Variants in RAD23B observed in about 807,000 individuals in gnomAD.
RAD23B encodes the protein lysine-specific demethylase RAD23B.
RAD23B carries 5 observed loss-of-function variants against 49.1 expected under a neutral mutation model. The observed-to-expected ratio is 0.10, with a 90% CI of 0.05 to 0.21. The LOEUF is 0.21. RAD23B is among the 10% of genes least tolerant of loss of function. RAD23B has a pLI of 1.00. For synonymous variants in RAD23B, 184 were observed against 165.4 expected (o/e 1.11, Z -0.86); for missense variants, 356 against 486.7 (o/e 0.73, Z 2.53).
At chr9:107,316,198 A>T (rs551900694) in intron 5 of RAD23B, among the ~76,000 whole-genome samples, 1 of 152,028 alleles carries the variant, frequency 6.6e-6, no homozygotes, top group Non-Finnish European at 1.5e-5. Context: ...TTTTTAGTAG[A>T]GGCGGGGTTT....
At chr9:107,307,077 G>A (rs1007394354) in intron 4 of RAD23B, among the ~76,000 whole-genome samples, 45 of 152,070 alleles carry the variant, frequency 3.0e-4, no homozygotes, top group African/African-American at 9.9e-4. Context: ...AATCTTTCCC[G>A]TAGTTATATA....
intron 2 of RAD23B, among the ~76,000 whole-genome samples, chr9:107,300,567 G>A (rs1351909282): frequency 2.6e-5 from 4 of 151,064 alleles, no homozygotes; most frequent in Non-Finnish European, 4.4e-5. Context: ...AATCATTCCT[G>A]TAAAATTATT....
chr9:107,326,793 C>A (rs1827215169), intron 9 of RAD23B, among the ~76,000 whole-genome samples: 3 of 151,482 alleles, frequency 2.0e-5, no homozygotes, highest in Non-Finnish European at 2.9e-5. Flanking sequence ...GCCACCATGC[C>A]CGGCTAATTT....
chr9:107,296,975 C>T (rs970873975), intron 1 of RAD23B, among the ~76,000 whole-genome samples: 3 of 151,636 alleles, frequency 2.0e-5, no homozygotes, highest in African/African-American at 7.3e-5. Flanking sequence ...CTGCCTCAGC[C>T]TCCCGAGTAG....
intron 3 of RAD23B, among the ~76,000 whole-genome samples, chr9:107,302,800 C>T (rs1025525813): frequency 7.2e-5 from 11 of 151,830 alleles, no homozygotes; most frequent in African/African-American, 1.9e-4. Context: ...GGACTACAGG[C>T]GCATGCCACC....
intron 1 of RAD23B, among the ~76,000 whole-genome samples, chr9:107,292,897 A>G (rs1833411784): frequency 2.0e-5 from 3 of 152,182 alleles, no homozygotes; most frequent in Non-Finnish European, 4.4e-5. Flanking sequence ...CTATTACTGC[A>G]TAACAAATTA....
At position 107,332,001 on chromosome 9, in the gene RAD23B, T is replaced by C. The variant is rs1827318633; in HGVS notation, c.*2345T>C. 5.2e-6 allele frequency: 2 copies of C among 387,250 alleles called. No homozygotes were observed. Among genetic ancestry groups the C allele is most frequent in the Admixed American group, 8.8e-5 (2 of 22,762 alleles). 24.0% of individuals were successfully genotyped at this position (387,250 alleles called of 1,614,324 possible). ...CGAGGTATACTGTCATTTCTTGAAA[T>C]CTTTTTCTCGTTTAGTTGCTCTGTG... On this transcript the variant is annotated 3_prime_UTR_variant, in exon 10 of 10. Coordinates refer to ENST00000358015, the MANE Select transcript of RAD23B (RefSeq NM_002874.5).
intron 5 of RAD23B, among the ~76,000 whole-genome samples, chr9:107,316,475 T>G (rs1826999135): frequency 6.6e-6 from 1 of 152,246 alleles, no homozygotes; most frequent in African/African-American, 2.4e-5. Flanking sequence ...GTATTGATAC[T>G]GATTTCTGTA....
rs75029772 is a variant in RAD23B at position 107,307,999 on chromosome 9, A to G, written c.497+1352A>G. 9.1e-3 allele frequency among the ~76,000 whole-genome samples: 1,379 copies of G among 152,296 alleles called. 16 individuals are homozygous for G. The highest frequency in any genetic ancestry group is 0.017 in the Middle Eastern group (5 of 294). Reference sequence around the variant, plus strand: ...TCAAAGGGCTGTTGATCAGGTCTGTATATGAGAGGGAACTTACGCATTTAA... The same window carrying G: ...TCAAAGGGCTGTTGATCAGGTCTGTGTATGAGAGGGAACTTACGCATTTAA... On this transcript the variant is annotated intron_variant, in intron 4 of 9. Coordinates refer to ENST00000358015, the MANE Select transcript of RAD23B (RefSeq NM_002874.5).
intron 9 of RAD23B, among the ~76,000 whole-genome samples, chr9:107,326,960 G>A (rs1204745729): frequency 2.0e-5 from 3 of 152,082 alleles, no homozygotes; most frequent in Non-Finnish European, 4.4e-5. Context: ...TTCTTTTAGA[G>A]TCAGTTTTGG....
chr9:107,314,429 G>A (rs1423223497), intron 5 of RAD23B, among the ~76,000 whole-genome samples: 3 of 152,106 alleles, frequency 2.0e-5, no homozygotes, highest in Admixed American at 1.3e-4. Context: ...CACTTGTGAG[G>A]ACATGGGGTA....
At chr9:107,286,961 G>C (rs1833282559) in intron 1 of RAD23B, among the ~76,000 whole-genome samples, 1 of 151,934 alleles carries the variant, frequency 6.6e-6, no homozygotes, top group Admixed American at 6.6e-5. Flanking sequence ...TGTAGTCCCA[G>C]CTACTTGGGA....
chr9:107,316,634 T>G (rs940857047), intron 5 of RAD23B, among the ~76,000 whole-genome samples: 1 of 152,176 alleles, frequency 6.6e-6, no homozygotes, highest in Non-Finnish European at 1.5e-5. Flanking sequence ...TATCAAATGC[T>G]TAATCTGTTT....
chr9:107,293,224 A>G (rs938808068), intron 1 of RAD23B, among the ~76,000 whole-genome samples: 38 of 152,356 alleles, frequency 2.5e-4, no homozygotes, highest in African/African-American at 8.7e-4. Flanking sequence ...GCTTTTATAT[A>G]TAAACCAGCC....
Position 107,331,689 on chromosome 9 carries a change from C to CAAAA in RAD23B, c.*2042_*2045dup. Reference sequence around the variant, plus strand: ...CTCAGATCATAGTGAAAACTGGAAACAAAAAAAAAAAACAGCCTCTTCTTG... The same window carrying CAAAA: ...CTCAGATCATAGTGAAAACTGGAAACAAAAAAAAAAAAAAAACAGCCTCTTCTTG... On this transcript the variant is annotated 3_prime_UTR_variant, in exon 10 of 10. Transcript: ENST00000358015. The CAAAA allele has an allele frequency of 7.1e-6, 5 of 699,686 alleles. No homozygotes were observed. The highest frequency in any genetic ancestry group is 5.4e-5 in the African/African-American group (3 of 55,654). The allele number at this position is 699,686 out of a possible 1,614,324, so 43.3% of individuals were successfully genotyped here.
rs970599787 is a variant in RAD23B at position 107,323,914 on chromosome 9, A to C, written c.842A>C (p.Asn281Thr). ...SGGHPLEFLR[N>T]QPQFQQMRQI... is the part of the protein sequence containing the mutation. Reference sequence around the variant, plus strand: ...GGACATCCCCTTGAATTTTTACGGAATCAGCCTCAGTTTCAACAGATGAGA... The same window carrying C: ...GGACATCCCCTTGAATTTTTACGGACTCAGCCTCAGTTTCAACAGATGAGA... The change falls in exon 8 of 10, where the codon AAT becomes ACT. Residue 281 changes from asparagine (N) to threonine (T), a missense_variant. By Grantham distance (65) the Asn-to-Thr change is moderately conservative (BLOSUM62 0). Coordinates refer to ENST00000358015, the MANE Select transcript of RAD23B (RefSeq NM_002874.5). 1.2e-6 allele frequency: 2 copies of C among 1,611,154 alleles called. No individual in the cohort carries two copies. The highest frequency in any genetic ancestry group is 1.7e-6 in the Non-Finnish European group (2 of 1,177,340).
chr9:107,302,257 C>A, intron 3 of RAD23B, 143 bp downstream of exon 3: 1 of 1,137,172 alleles, frequency 8.8e-7, no homozygotes, highest in Non-Finnish European at 1.1e-6. Flanking sequence ...TAAGAATTTA[C>A]CTTAAGTGAA....
chr9:107,289,209 A>G (rs879713734), intron 1 of RAD23B, among the ~76,000 whole-genome samples: 1 of 149,744 alleles, frequency 6.7e-6, no homozygotes, highest in African/African-American at 2.5e-5. Flanking sequence ...TTTTTCAACA[A>G]GGTCTTGCTC....
intron 7 of RAD23B, 88 bp from the exon 8 acceptor site, chr9:107,323,802 A>C: frequency 8.4e-7 from 1 of 1,187,830 alleles, no homozygotes; most frequent in Non-Finnish European, 1.2e-6. Flanking sequence ...TTTTTCTTTG[A>C]TAGTGTTTGC....
Sources: gnomAD v4.1 joint callset for allele counts (sites outside exome capture counted in the v4.1 genomes callset) on GRCh38, gnomAD v4.1.1 for gene constraint, MANE v1.5 for transcripts, NCBI Gene and HGNC (gene_info 2026-07-23, HGNC 2026-07-21) for gene names.